Variants in SLC35F4 observed in about 807,000 individuals in gnomAD.
SLC35F4 encodes chromosome 14 open reading frame 36.
In SLC35F4, 24 loss-of-function variants were observed where a neutral mutation model predicts 44.2. The observed-to-expected ratio is 0.54, with a 90% CI of 0.39 to 0.76. SLC35F4 has a LOEUF of 0.76. Among genes scored for constraint, SLC35F4 ranks in the 30% least tolerant of loss-of-function variants. The pLI, the probability that SLC35F4 is intolerant of heterozygous loss-of-function variation, is 0.00. For synonymous variants in SLC35F4, 238 were observed against 223.6 expected (o/e 1.06, Z -0.57); for missense variants, 562 against 586.1 (o/e 0.96, Z 0.42).
At chr14:57,897,845 AG>A (rs1468299175) in intron 1 of SLC35F4, among the ~76,000 whole-genome samples, 2 of 152,166 alleles carry the variant, frequency 1.3e-5, no homozygotes, top group Non-Finnish European at 2.9e-5. Context: ...GCACAAAAAT[AG>A]GCTTCTGAAT....
chr14:57,585,597 C>A (rs909302409), intron 3 of SLC35F4, among the ~76,000 whole-genome samples: 2 of 152,060 alleles, frequency 1.3e-5, no homozygotes, highest in African/African-American at 4.8e-5. Flanking sequence ...AAAACCCTAC[C>A]GCCTCAGCCT....
intron 1 of SLC35F4, among the ~76,000 whole-genome samples, chr14:57,780,267 A>T (rs993135589): frequency 7.9e-5 from 12 of 152,202 alleles, no homozygotes; most frequent in Non-Finnish European, 1.5e-4. Flanking sequence ...TACAAAAATC[A>T]TTAGCATTCC....
At chr14:57,975,365 G>A (rs1377809848), downstream of SLC35F4, among the ~76,000 whole-genome samples, 1 of 152,186 alleles carries the variant, frequency 6.6e-6, no homozygotes, top group Non-Finnish European at 1.5e-5. Context: ...TCCATCATTA[G>A]GCTTTCAGGG....
chr14:57,932,178 T>C (rs1889710060), intron 1 of SLC35F4, among the ~76,000 whole-genome samples: 1 of 152,188 alleles, frequency 6.6e-6, no homozygotes, highest in African/African-American at 2.4e-5. Flanking sequence ...TAGAGTTTAG[T>C]GAGGTTATTT....
chr14:57,693,091 G>A (rs987344667), intron 1 of SLC35F4, among the ~76,000 whole-genome samples: 4 of 152,176 alleles, frequency 2.6e-5, no homozygotes, highest in Middle Eastern at 3.4e-3. Context: ...ATGAGAGCCC[G>A]TTTTGATTCT....
At chr14:57,969,792 C>A (rs1881001127) in intron 1 of SLC35F4, among the ~76,000 whole-genome samples, 1 of 152,090 alleles carries the variant, frequency 6.6e-6, no homozygotes, top group Non-Finnish European at 1.5e-5. Flanking sequence ...ATTTTTCCTT[C>A]TTTTGAATTA....
At chr14:57,738,429 C>T (rs925851796) in intron 1 of SLC35F4, among the ~76,000 whole-genome samples, 1 of 152,070 alleles carries the variant, frequency 6.6e-6, no homozygotes, top group Non-Finnish European at 1.5e-5. Context: ...CCATCTGCTT[C>T]GTTCTCCATT....
chr14:57,867,478 G>T (rs1003888124), upstream of SLC35F4, among the ~76,000 whole-genome samples: 1 of 152,164 alleles, frequency 6.6e-6, no homozygotes, highest in South Asian at 2.1e-4. Flanking sequence ...TGTTTTCTGG[G>T]CTAGGAAAGA....
intron 1 of SLC35F4, among the ~76,000 whole-genome samples, chr14:57,811,420 C>T (rs1881952082): frequency 6.6e-6 from 1 of 152,202 alleles, no homozygotes; most frequent in Admixed American, 6.5e-5. Flanking sequence ...AGGCCTAAAA[C>T]AATCAGTGCC....
chr14:57,859,579 T>C (rs1023532917), intron 1 of SLC35F4, among the ~76,000 whole-genome samples: 1 of 152,210 alleles, frequency 6.6e-6, no homozygotes, highest in African/African-American at 2.4e-5. Flanking sequence ...ATTTGGACTT[T>C]ATTCCACAGA....
intron 1 of SLC35F4, among the ~76,000 whole-genome samples, chr14:57,907,890 G>T (rs1205705175): frequency 3.9e-5 from 6 of 151,940 alleles, no homozygotes; most frequent in Non-Finnish European, 8.8e-5. Context: ...AAGTATATGT[G>T]TGCCATGGTG....
intron 1 of SLC35F4, among the ~76,000 whole-genome samples, chr14:57,844,233 T>C (rs974626048): frequency 2.0e-5 from 3 of 152,162 alleles, no homozygotes; most frequent in Admixed American, 6.6e-5. Flanking sequence ...GAAACAAGCA[T>C]GGGGGTGAAA....
At chr14:57,862,760 C>G (rs1887790660) in intron 1 of SLC35F4, among the ~76,000 whole-genome samples, 2 of 152,198 alleles carry the variant, frequency 1.3e-5, no homozygotes, top group Non-Finnish European at 2.9e-5. Context: ...ATTTCTACCC[C>G]CAGAATATTT....
At chr14:57,732,848 A>G (rs909573503) in intron 1 of SLC35F4, among the ~76,000 whole-genome samples, 1 of 152,188 alleles carries the variant, frequency 6.6e-6, no homozygotes, top group South Asian at 2.1e-4. Context: ...ACACTTTGAA[A>G]CCATTTTCAA....
intron 1 of SLC35F4, among the ~76,000 whole-genome samples, chr14:57,824,827 G>A (rs1387850821): frequency 2.0e-5 from 3 of 152,016 alleles, no homozygotes; most frequent in Non-Finnish European, 2.9e-5. Context: ...GGGCCTTAGA[G>A]GCTATTGTAA....
At chr14:57,946,464 C>CTTTTTTTTTTTTTTTTTTT (rs1890029647) in intron 1 of SLC35F4, among the ~76,000 whole-genome samples, 1 of 124,846 alleles carries the variant, frequency 8.0e-6, no homozygotes, top group Non-Finnish European at 1.6e-5. Flanking sequence ...GTTTTGTTTT[C>CTTTTTTTTTTTTTTTTTTT]TTTTCTTTTT....
intron 1 of SLC35F4, among the ~76,000 whole-genome samples, chr14:57,665,432 A>T (rs1248299183): frequency 2.0e-5 from 3 of 152,174 alleles, no homozygotes; most frequent in Non-Finnish European, 4.4e-5. Flanking sequence ...GGCAAGCACG[A>T]GTACTGTCTC....
intron 1 of SLC35F4, among the ~76,000 whole-genome samples, chr14:57,663,378 G>A (rs1461645665): frequency 1.3e-5 from 2 of 152,044 alleles, no homozygotes; most frequent in Non-Finnish European, 2.9e-5. Flanking sequence ...CAATTCTAGA[G>A]CCCAAGTTCA....
At chr14:57,717,115 C>G (rs993234806) in intron 1 of SLC35F4, among the ~76,000 whole-genome samples, 16 of 151,952 alleles carry the variant, frequency 1.1e-4, no homozygotes, top group Non-Finnish European at 1.6e-4. Flanking sequence ...GTAGATGAAC[C>G]CTTAGGTTAA....
Sources: allele counts gnomAD v4.1 joint callset (sites outside exome capture counted in the v4.1 genomes callset), GRCh38; gene constraint gnomAD v4.1.1; transcripts MANE v1.5; gene names NCBI Gene and HGNC (gene_info 2026-07-23, HGNC 2026-07-21).